The following PALM2AKAP2 variants were observed in gnomAD, a reference collection of about 807,000 sequenced individuals.
PALM2AKAP2 encodes PALM2-AKAP2 fusion protein.
PALM2AKAP2 carries 37 observed loss-of-function variants against 71.5 expected under a neutral mutation model. The ratio of observed to expected loss-of-function variants is 0.52; its 90% confidence interval spans 0.40 to 0.68. The LOEUF is 0.68. PALM2AKAP2 is among the 30% of genes least tolerant of loss of function. The pLI is 0.00. For missense variants in PALM2AKAP2, 1,224 were observed against 1,191.8 expected (o/e 1.03, Z -0.40); for synonymous variants, 468 against 478.8 (o/e 0.98, Z 0.29).
upstream of PALM2AKAP2, among the ~76,000 whole-genome samples, chr9:109,778,838 G>C (rs1431923650): frequency 2.0e-5 from 3 of 148,360 alleles, no homozygotes; most frequent in Admixed American, 2.0e-4. Context: ...ATGTGATCTC[G>C]GCTCACTGCA....
At chr9:109,922,129 G>A (rs1024878098) in intron 3 of PALM2AKAP2, among the ~76,000 whole-genome samples, 1 of 151,892 alleles carries the variant, frequency 6.6e-6, no homozygotes, top group Non-Finnish European at 1.5e-5. Flanking sequence ...TTAAAAGATG[G>A]AAAAAGAGGG....
intron 1 of PALM2AKAP2, among the ~76,000 whole-genome samples, chr9:110,060,397 GC>G (rs1833938464): frequency 6.7e-6 from 1 of 149,542 alleles, no homozygotes; most frequent in South Asian, 2.1e-4. Context: ...TTTTATTTTA[GC>G]CTGACAACTA....
chr9:110,154,123 G>A (rs1000550487), intron 2 of PALM2AKAP2, among the ~76,000 whole-genome samples: 6 of 152,176 alleles, frequency 3.9e-5, no homozygotes, highest in African/African-American at 1.4e-4. Context: ...TATTCTTTGA[G>A]ATTCCAATTA....
intron 1 of PALM2AKAP2, among the ~76,000 whole-genome samples, chr9:109,668,771 G>A (rs530005884): frequency 3.4e-4 from 52 of 152,290 alleles, no homozygotes; most frequent in Non-Finnish European, 6.8e-4. Context: ...GAGGGTATAC[G>A]ATGTTATTTG....
chr9:109,935,529 C>G (rs1285312544), intron 6 of PALM2AKAP2, among the ~76,000 whole-genome samples: 1 of 152,170 alleles, frequency 6.6e-6, no homozygotes, highest in East Asian at 1.9e-4. Flanking sequence ...TGCAATTTGC[C>G]TATTCTTTCC....
chr9:109,746,514 T>C (rs1270602200), intron 1 of PALM2AKAP2, among the ~76,000 whole-genome samples: 1 of 152,178 alleles, frequency 6.6e-6, no homozygotes, highest in Non-Finnish European at 1.5e-5. Context: ...GATTCAATCT[T>C]AGGGTCAGAG....
intron 2 of PALM2AKAP2, among the ~76,000 whole-genome samples, chr9:109,874,478 A>G (rs902630677): frequency 2.0e-5 from 3 of 152,190 alleles, no homozygotes; most frequent in African/African-American, 7.2e-5. Flanking sequence ...TGCTTGTGAA[A>G]GTTAAGTGGA....
At chr9:110,014,108 G>A (rs1402062671) in intron 6 of PALM2AKAP2, among the ~76,000 whole-genome samples, 7 of 152,170 alleles carry the variant, frequency 4.6e-5, no homozygotes, top group Admixed American at 4.6e-4. Flanking sequence ...ACGAGCAGAA[G>A]AAAGATGGCC....
intron 1 of PALM2AKAP2, among the ~76,000 whole-genome samples, chr9:109,727,471 C>A (rs1048195404): frequency 1.5e-5 from 1 of 65,586 alleles, no homozygotes; most frequent in Non-Finnish European, 3.3e-5. Flanking sequence ...CCATTAACAA[C>A]ATTAAAAAAT....
At chr9:109,691,869 CACACACACACACATATATATAT>C (rs2118550350) in intron 1 of PALM2AKAP2, among the ~76,000 whole-genome samples, 1 of 44,268 alleles carries the variant, frequency 2.3e-5, no homozygotes, top group African/African-American at 7.2e-5. Flanking sequence ...TATATATATA[CACACACACACACATATATATAT>C]ATATATATAT....
intron 1 of PALM2AKAP2, among the ~76,000 whole-genome samples, chr9:109,832,999 C>T (rs940678903): frequency 3.9e-5 from 6 of 152,190 alleles, no homozygotes; most frequent in Admixed American, 1.3e-4. Context: ...TTGTTTTCCT[C>T]ATGCGAGAGC....
intron 2 of PALM2AKAP2, among the ~76,000 whole-genome samples, chr9:109,877,377 C>A (rs1829744161): frequency 6.6e-6 from 1 of 152,036 alleles, no homozygotes; most frequent in South Asian, 2.1e-4. Context: ...TTCTAGGTGA[C>A]ACAGTGAATG....
chr9:109,813,897 A>G (rs1827787641), intron 1 of PALM2AKAP2, among the ~76,000 whole-genome samples: 1 of 152,172 alleles, frequency 6.6e-6, no homozygotes, highest in Non-Finnish European at 1.5e-5. Flanking sequence ...GATCATAGTC[A>G]GCCGTGGTGA....
At chr9:109,665,454 A>G (rs1191832486) in intron 1 of PALM2AKAP2, among the ~76,000 whole-genome samples, 1 of 152,162 alleles carries the variant, frequency 6.6e-6, no homozygotes, top group Non-Finnish European at 1.5e-5. Context: ...CTTTAGATGC[A>G]GGTCTGTTGG....
At position 109,806,627 on chromosome 9, in the gene PALM2AKAP2, A is replaced by T. The variant is rs140269630; in HGVS notation, c.45+26094A>T. On this transcript the variant is annotated intron_variant, in intron 1 of 9. Transcript: ENST00000302798. The stretch of plus-strand genomic sequence containing the variant: ...GCTAGTGTTGGAGCTGTGATAAAAA[A>T]CAAAGAGTGAGCCATGTGGATATCT... Among the ~76,000 whole-genome samples the T allele has an allele frequency of 1.1e-3, 165 of 152,362 alleles. 1 individual carries two copies. In the East Asian group the frequency reaches 0.022, roughly 20 times the overall value.
chr9:109,647,579 G>A (rs1473659743), intron 1 of PALM2AKAP2, among the ~76,000 whole-genome samples: 2 of 152,140 alleles, frequency 1.3e-5, no homozygotes, highest in Non-Finnish European at 2.9e-5. Flanking sequence ...GAGAGCCCCT[G>A]TTTCCCCAAA....
chr9:109,715,364 C>T (rs1296847924), intron 1 of PALM2AKAP2, among the ~76,000 whole-genome samples: 3 of 152,172 alleles, frequency 2.0e-5, no homozygotes, highest in Non-Finnish European at 4.4e-5. Flanking sequence ...AGTGACTTGA[C>T]ATTGAATTAT....
chr9:110,148,066 C>T (rs1159572560), intron 2 of PALM2AKAP2, among the ~76,000 whole-genome samples: 2 of 152,040 alleles, frequency 1.3e-5, no homozygotes, highest in African/African-American at 4.8e-5. Context: ...TGTTTTCCTT[C>T]TGGGGGGAGG....
chr9:109,902,600 A>C lies in PALM2AKAP2; in HGVS notation c.258-21135A>C, dbSNP rs1224485216. Among the ~76,000 whole-genome samples the C allele has an allele frequency of 2.6e-5, 4 of 152,226 alleles. No homozygotes were observed. In the South Asian group the frequency reaches 8.3e-4, roughly 31 times the overall value. The stretch of plus-strand genomic sequence containing the variant: ...AGCATTGACTTCTTTTGTAAGTGCT[A>C]CTTCTGTTGAATTCAATGCGTTGAA... On this transcript the variant is annotated intron_variant, in intron 3 of 9. Transcript: ENST00000302798.
Sources: allele counts gnomAD v4.1 joint callset (sites outside exome capture counted in the v4.1 genomes callset), GRCh38; gene constraint gnomAD v4.1.1; transcripts MANE v1.5; gene names NCBI Gene and HGNC (gene_info 2026-07-23, HGNC 2026-07-21).